CEP68: variants seen among roughly 807,000 people sequenced by gnomAD.
CEP68 encodes the protein centrosomal protein 68, also known as centrosomal protein of 68 kDa.
Under a neutral mutation model 55.3 loss-of-function variants are expected in CEP68, and 26 were observed. The observed-to-expected ratio is 0.47, with a 90% CI of 0.34 to 0.65. CEP68 has a LOEUF of 0.65. Among genes scored for constraint, CEP68 ranks in the 30% least tolerant of loss-of-function variants. The probability of loss-of-function intolerance (pLI) is 0.01; values close to 1 mark genes in which losing one functional copy is unlikely to be tolerated. For synonymous variants in CEP68, 402 were observed against 383.2 expected (o/e 1.05, Z -0.57); for missense variants, 957 against 946.7 (o/e 1.01, Z -0.14).
chr2:65,058,441 C>T (rs566731960), intron 1 of CEP68, among the ~76,000 whole-genome samples: 51 of 148,552 alleles, frequency 3.4e-4, no homozygotes, highest in Middle Eastern at 3.6e-3. Flanking sequence ...TGGGCTCAAG[C>T]GATTACTGGC....
At chr2:65,071,090 G>A (rs748969946) in intron 2 of CEP68, 4 of 264,616 alleles carry the variant, frequency 1.5e-5, no homozygotes, top group East Asian at 9.4e-5. Flanking sequence ...TCCTGTTAGC[G>A]ACAGAGTGAT....
intron 1 of CEP68, among the ~76,000 whole-genome samples, chr2:65,064,918 C>T (rs141836620): frequency 2.9e-4 from 44 of 152,270 alleles, no homozygotes; most frequent in African/African-American, 1.0e-3. Context: ...GATGTGGCTC[C>T]GTAAGATCTC....
At chr2:65,066,743 AAAAT>A (rs1180655144) in intron 1 of CEP68, among the ~76,000 whole-genome samples, 1,196 of 88,570 alleles carry the variant, frequency 0.014, 20 homozygotes, top group East Asian at 0.11. Context: ...AAAAAAAAAA[AAAAT>A]ATATATATAT....
Position 65,083,850 on chromosome 2 carries a change from T to C in CEP68, c.*216T>C, listed in dbSNP as rs1668941179. 1.3e-5 allele frequency: 2 copies of C among 152,228 alleles called. No homozygotes were observed. Among genetic ancestry groups the C allele is most frequent in the Admixed American group, 6.5e-5 (1 of 15,284 alleles). The allele number at this position is 152,228 out of a possible 1,614,324, so 9.4% of individuals were successfully genotyped here. On this transcript the variant is annotated 3_prime_UTR_variant, in exon 7 of 7. Transcript: ENST00000377990. ...ATCCTTCCAAACTAAGGTTTTCCTT[T>C]TGGTGCTTCTCCACAAAGAGCGTGT...
chr2:65,063,897 A>T (rs1389101537), intron 1 of CEP68, among the ~76,000 whole-genome samples: 1 of 152,202 alleles, frequency 6.6e-6, no homozygotes, highest in Non-Finnish European at 1.5e-5. Context: ...GTAACATTTC[A>T]TAGACAGTTT....
chr2:65,069,482 C>T lies in CEP68; in HGVS notation c.38C>T (p.Ser13Phe). 1 of 1,530,084 alleles carries T rather than the reference C, an allele frequency of 6.5e-7. No homozygotes were observed. 94.8% of individuals were successfully genotyped at this position (1,530,084 alleles called of 1,614,324 possible). ...LGEEKAEAEA[S>F]EDTKAQSYGR... is the part of the protein sequence containing the mutation. ...GAAGAAAAGGCAGAAGCGGAAGCAT[C>T]TGAAGACACAAAGGCCCAGTCCTAT... is the stretch of plus-strand genomic sequence containing the variant. Residue 13 changes from serine to phenylalanine, a missense_variant, in exon 2 of 7, where the codon TCT (serine) becomes TTT (phenylalanine). Ser to Phe is a radical substitution (Grantham distance 155, BLOSUM62 -2). Coordinates refer to ENST00000377990, the MANE Select transcript of CEP68 (RefSeq NM_015147.3).
chr2:65,074,968 A>G, intron 4 of CEP68: 1 of 192,654 alleles, frequency 5.2e-6, no homozygotes, highest in Non-Finnish European at 1.1e-5. Flanking sequence ...ATGTTCAACC[A>G]TCACATTTGT....
In CEP68 at chr2:65,080,173, A is replaced by G. The variant is rs751636327; in HGVS notation, c.2104+2209A>G. ...CCTCTTAAAAGCTTCAGGTTTTTTG[A>G]CCTTCATTTTAAAATCAATTTAATA... On this transcript the variant is annotated intron_variant, in intron 5 of 6. Transcript: ENST00000377990. The G allele has an allele frequency of 5.4e-6, 5 of 917,902 alleles. 1 individual carries two copies. Among genetic ancestry groups the G allele is most frequent in the Non-Finnish European group, 3.9e-6 (3 of 770,544 alleles). The allele number at this position is 917,902 out of a possible 1,614,324, so 56.9% of individuals were successfully genotyped here.
chr2:65,056,457 C>G lies in CEP68; in HGVS notation c.-118C>G, dbSNP rs969081502. The G allele has an allele frequency of 2.0e-5, 3 of 152,504 alleles. No homozygotes were observed. Among genetic ancestry groups the G allele is most frequent in the Non-Finnish European group, 4.4e-5 (3 of 68,256 alleles). The allele number at this position is 152,504 out of a possible 1,614,324, so 9.4% of individuals were successfully genotyped here. A position where few individuals can be genotyped will look rare whatever the true frequency, so the allele number is the denominator to read the frequency against. On this transcript the variant is annotated 5_prime_UTR_variant, in exon 1 of 7. Coordinates refer to ENST00000377990, the MANE Select transcript of CEP68 (RefSeq NM_015147.3). ...GGAGGGCCGCAGTTGCAGTCAGGGTCCGCCAGCTCGGGGCCAGCGCATGGG... is the reference window on the plus strand; with the variant it reads ...GGAGGGCCGCAGTTGCAGTCAGGGTGCGCCAGCTCGGGGCCAGCGCATGGG...
intron 5 of CEP68, among the ~76,000 whole-genome samples, chr2:65,079,410 C>T (rs938279668): frequency 1.3e-5 from 2 of 152,138 alleles, no homozygotes; most frequent in African/African-American, 2.4e-5. Context: ...CTAAGTGTAC[C>T]CTGGGAAGAA....
Position 65,086,270 on chromosome 2 carries a change from C to G in CEP68, c.*2636C>G, listed in dbSNP as rs1005416431. On this transcript the variant is annotated 3_prime_UTR_variant, in exon 7 of 7. Coordinates refer to ENST00000377990, the MANE Select transcript of CEP68 (RefSeq NM_015147.3). ...GTGCAGCTGCTTAGATTTAAGAACA[C>G]TCTTCTTCACTATGTAAACTAATTT... The G allele has an allele frequency of 1.3e-5, 2 of 152,206 alleles. No individual in the cohort carries two copies. Among genetic ancestry groups the G allele is most frequent in the South Asian group, 4.1e-4 (2 of 4,832 alleles). 9.4% of individuals were successfully genotyped at this position (152,206 alleles called of 1,614,324 possible). A position where few individuals can be genotyped will look rare whatever the true frequency, so the allele number is the denominator to read the frequency against.
At chr2:65,069,253 C>A (rs549357186) in intron 1 of CEP68, 146 bp from the exon 2 acceptor site, 37 of 488,620 alleles carry the variant, frequency 7.6e-5, no homozygotes, top group African/African-American at 5.1e-4. Flanking sequence ...AAAGCCGGAA[C>A]TCGGTGCTCC....
Position 65,072,619 on chromosome 2 carries a change from T to C in CEP68, c.1523T>C (p.Leu508Pro). The change falls in exon 3 of 7, where the codon CTG becomes CCG. Residue 508 changes from leucine to proline, a missense_variant. Transcript: ENST00000377990. ...GGATCCATTTCTACCTTGGTTACCC[T>C]GCCCACTGGGGATATCAAAGGGCAG... The part of the protein sequence containing the change: ...YLGSISTLVT[L>P]PTGDIKGQSP... 1 of 1,614,084 alleles carries C rather than the reference T, an allele frequency of 6.2e-7. No homozygotes were observed.
intron 1 of CEP68, among the ~76,000 whole-genome samples, chr2:65,068,971 A>G (rs1055476950): frequency 6.6e-6 from 1 of 152,220 alleles, no homozygotes; most frequent in Non-Finnish European, 1.5e-5. Flanking sequence ...GAACAGTCAG[A>G]GCCAGGCCTG....
In CEP68 at chr2:65,077,818, A is replaced by G. The variant is rs1676832735; in HGVS notation, c.2008-50A>G. 3.5e-6 allele frequency: 5 copies of G among 1,420,224 alleles called. No homozygotes were observed. In the East Asian group the frequency reaches 1.1e-4, roughly 32 times the overall value. The allele number at this position is 1,420,224 out of a possible 1,614,324, so 88.0% of individuals were successfully genotyped here. A position where few individuals can be genotyped will look rare whatever the true frequency, so the allele number is the denominator to read the frequency against. On this transcript the variant is annotated intron_variant, in intron 4 of 6. Coordinates refer to ENST00000377990, the MANE Select transcript of CEP68 (RefSeq NM_015147.3). ...CTGTGCTTTTCAAATAACGTTTACA[A>G]AACAATAGTAACGAAGCTTCTGCCT...
intron 1 of CEP68, among the ~76,000 whole-genome samples, chr2:65,057,233 A>G (rs1675673364): frequency 2.6e-5 from 4 of 152,234 alleles, no homozygotes. Context: ...ATTGGACCTC[A>G]CTGGGAATTC....
At chr2:65,067,091 A>G (rs1558557851) in intron 1 of CEP68, among the ~76,000 whole-genome samples, 4 of 150,356 alleles carry the variant, frequency 2.7e-5, no homozygotes, top group African/African-American at 2.4e-5. Context: ...AAAAAAAGGG[A>G]GGGAAGGATA....
intron 1 of CEP68, among the ~76,000 whole-genome samples, chr2:65,060,677 A>T: frequency 6.6e-6 from 1 of 152,218 alleles, no homozygotes. Flanking sequence ...GACTTTTGTT[A>T]TAAGGAAGGT....
chr2:65,071,685 AG>A lies in CEP68; in HGVS notation c.590del (p.Ser197ThrfsTer46). ...PGSAAQPSSC[S>X]ISASSTGSSL... ...TTCCGCAGCTCAGCCTTCCAGCTGCAGCATCTCTGCTTCCTCCACAGGCAGC... is the reference window on the plus strand; with the variant it reads ...TTCCGCAGCTCAGCCTTCCAGCTGCACATCTCTGCTTCCTCCACAGGCAGC... On this transcript the variant is annotated frameshift_variant, in exon 3 of 7. Coordinates refer to ENST00000377990, the MANE Select transcript of CEP68 (RefSeq NM_015147.3). LOFTEE classifies it high-confidence loss of function. 6.2e-7 allele frequency: 1 copy of A among 1,614,162 alleles called. No homozygotes were observed. The highest frequency in any genetic ancestry group is 1.1e-5 in the South Asian group (1 of 91,086).
Sources: allele counts gnomAD v4.1 joint callset (sites outside exome capture counted in the v4.1 genomes callset), GRCh38; gene constraint gnomAD v4.1.1; transcripts MANE v1.5; gene names NCBI Gene and HGNC (gene_info 2026-07-23, HGNC 2026-07-21).